ITSN1: variants seen among roughly 807,000 people sequenced by gnomAD.
ITSN1 encodes the protein intersectin-1.
ITSN1 carries 58 observed loss-of-function variants against 239.8 expected under a neutral mutation model. The observed-to-expected ratio is 0.24, with a 90% confidence interval of 0.20 to 0.30. ITSN1 has a LOEUF of 0.30. Among genes scored for constraint, ITSN1 ranks in the 10% least tolerant of loss-of-function variants. The pLI, the probability that ITSN1 is intolerant of heterozygous loss-of-function variation, is 1.00. For synonymous variants in ITSN1, 780 were observed against 770.8 expected (o/e 1.01, Z -0.20); for missense variants, 1,558 against 2,103.3 (o/e 0.74, Z 5.07).
At chr21:33,836,355 A>C (rs1416255707) in intron 28 of ITSN1, 86 bp from the exon 29 acceptor site, 3 of 945,978 alleles carry the variant, frequency 3.2e-6, no homozygotes, top group Non-Finnish European at 4.6e-6. Context: ...CAGAAATAGT[A>C]GCTGGGAATG....
At chr21:33,811,321 C>A in intron 21 of ITSN1, 99 bp downstream of exon 21, 1 of 1,211,720 alleles carries the variant, frequency 8.3e-7, no homozygotes, top group Non-Finnish European at 1.1e-6. Context: ...GATTGTCCTT[C>A]TATGTGAGGG....
intron 1 of ITSN1, among the ~76,000 whole-genome samples, chr21:33,712,325 G>GT (rs1385959517): frequency 1.3e-5 from 2 of 152,120 alleles, no homozygotes; most frequent in African/African-American, 4.8e-5. Context: ...AATGCTGTTT[G>GT]TTTCAGTAGG....
At chr21:33,841,492 A>AC (rs1410958438) in intron 29 of ITSN1, among the ~76,000 whole-genome samples, 2 of 152,192 alleles carry the variant, frequency 1.3e-5, no homozygotes, top group African/African-American at 4.8e-5. Context: ...CAGAGAGGAG[A>AC]CCATGCTGTC....
intron 36 of ITSN1, among the ~76,000 whole-genome samples, chr21:33,883,894 GTTTTTTTTTTTT>G (rs34448559): frequency 3.6e-5 from 4 of 109,778 alleles, no homozygotes; most frequent in Non-Finnish European, 7.1e-5. Context: ...TTTTGCTTGA[GTTTTTTTTTTTT>G]TTTTTTTTTT....
Position 33,773,227 on chromosome 21 carries a change from C to T in ITSN1, c.1305+904C>T, listed in dbSNP as rs535676755. ...TTCACCATGTTGGTCAGGCTGATCT[C>T]GAGCTCCTGACCTCGGGTGATCCAC... On this transcript the variant is annotated intron_variant, in intron 12 of 39. Transcript: ENST00000381318. 5.3e-3 allele frequency among the ~76,000 whole-genome samples: 806 copies of T among 152,080 alleles called. 3 individuals carry two copies. Among genetic ancestry groups the T allele is most frequent in the Admixed American group, 9.4e-3 (144 of 15,272 alleles).
At chr21:33,845,399 C>T (rs2074960371) in intron 29 of ITSN1, among the ~76,000 whole-genome samples, 1 of 152,060 alleles carries the variant, frequency 6.6e-6, no homozygotes, top group Non-Finnish European at 1.5e-5. Context: ...CTCTCTGCAC[C>T]CACTCTCTCC....
At chr21:33,732,618 A>C (rs571839075) in intron 4 of ITSN1, among the ~76,000 whole-genome samples, 5 of 152,336 alleles carry the variant, frequency 3.3e-5, no homozygotes, top group Non-Finnish European at 7.3e-5. Context: ...ATTGGCCTAA[A>C]TATTGGAAAA....
At chr21:33,677,642 A>G (rs2090676442) in intron 1 of ITSN1, among the ~76,000 whole-genome samples, 1 of 152,102 alleles carries the variant, frequency 6.6e-6, no homozygotes, top group Non-Finnish European at 1.5e-5. Flanking sequence ...ACCCAGCCCA[A>G]AACGGAATTC....
At chr21:33,681,520 G>A (rs1207173429) in intron 1 of ITSN1, among the ~76,000 whole-genome samples, 2 of 152,042 alleles carry the variant, frequency 1.3e-5, no homozygotes, top group Non-Finnish European at 2.9e-5. Flanking sequence ...TTGCACTCCA[G>A]CCTGGGCGAC....
chr21:33,823,366 G>A lies in ITSN1; in HGVS notation c.3017-121G>A. On this transcript the variant is annotated intron_variant, in intron 24 of 39. Coordinates refer to ENST00000381318, the MANE Select transcript of ITSN1 (RefSeq NM_003024.3). Reference sequence around the variant, plus strand: ...CAGCTCTGTATTTTATCTGTGACTAGCCTTTCTCTTGAATGGATCTTGTCC... The same window carrying A: ...CAGCTCTGTATTTTATCTGTGACTAACCTTTCTCTTGAATGGATCTTGTCC... The A allele has an allele frequency of 8.3e-6, 7 of 843,568 alleles. No homozygotes were observed. In the South Asian group the frequency reaches 1.2e-4, roughly 14 times the overall value. The allele number at this position is 843,568 out of a possible 1,614,324, so 52.3% of individuals were successfully genotyped here.
At chr21:33,759,995 C>G (rs1037639929) in intron 8 of ITSN1, among the ~76,000 whole-genome samples, 1 of 151,698 alleles carries the variant, frequency 6.6e-6, no homozygotes, top group African/African-American at 2.4e-5. Flanking sequence ...CCCAGCTATT[C>G]AGGAGGCTGA....
chr21:33,691,065 T>C (rs1236895581), intron 1 of ITSN1, among the ~76,000 whole-genome samples: 1 of 151,658 alleles, frequency 6.6e-6, no homozygotes, highest in East Asian at 1.9e-4. Flanking sequence ...AGTTAATCAG[T>C]TTCTCTTCTC....
Position 33,751,821 on chromosome 21 carries a change from C to A in ITSN1, c.538C>A (p.Pro180Thr). ...PAFAHPAATL[P>T]KSSSFSRSGP... is the part of the protein sequence containing the mutation. ...ATTTATTTTTACAGCAGCCACATTGCCAAAGAGTTCTTCCTTTAGTAGATC... is the reference window on the plus strand; with the variant it reads ...ATTTATTTTTACAGCAGCCACATTGACAAAGAGTTCTTCCTTTAGTAGATC... Residue 180 changes from proline to threonine, a missense_variant, in exon 7 of 40, where the codon CCA (proline) becomes ACA (threonine). This residue lies in a region of ITSN1 where 982 missense variants were observed against 1,209.9 expected (regional missense o/e 0.81). Transcript: ENST00000381318. 1 of 1,608,476 alleles carries A rather than the reference C, an allele frequency of 6.2e-7. No individual in the cohort carries two copies. Among genetic ancestry groups the A allele is most frequent in the Non-Finnish European group, 8.5e-7 (1 of 1,175,304 alleles).
At chr21:33,727,934 C>A (rs1049978881) in intron 4 of ITSN1, among the ~76,000 whole-genome samples, 4 of 151,966 alleles carry the variant, frequency 2.6e-5, no homozygotes, top group African/African-American at 9.7e-5. Context: ...CACACTTGCC[C>A]CTTTAGAGTC....
Position 33,761,938 on chromosome 21 carries a change from C to A in ITSN1, c.740C>A (p.Thr247Asn), listed in dbSNP as rs769426337. The A allele has an allele frequency of 3.1e-6, 5 of 1,613,560 alleles. No individual in the cohort carries two copies. Among genetic ancestry groups the A allele is most frequent in the Admixed American group, 3.3e-5 (2 of 60,016 alleles). ...SGHLTGPQARTILMQSSLPQA... is the reference protein window; with the variant it reads ...SGHLTGPQARNILMQSSLPQA... ...TCCTGTTTAGGTCCCCAAGCAAGAA[C>A]TATTCTTATGCAGTCAAGTTTACCA... The change falls in exon 9 of 40, where the codon ACT becomes AAT. Residue 247 changes from threonine to asparagine, a missense_variant. This residue lies in a region of ITSN1 where 982 missense variants were observed against 1,209.9 expected (regional missense o/e 0.81). Coordinates refer to ENST00000381318, the MANE Select transcript of ITSN1 (RefSeq NM_003024.3).
At chr21:33,702,113 T>TAAACA (rs772482560) in intron 1 of ITSN1, among the ~76,000 whole-genome samples, 7 of 142,674 alleles carry the variant, frequency 4.9e-5, no homozygotes, top group African/African-American at 1.1e-4. Flanking sequence ...TTTTTTTTTT[T>TAAACA]TTTTTTTTTT....
chr21:33,749,479 C>T (rs2067405792), intron 5 of ITSN1, among the ~76,000 whole-genome samples: 1 of 151,840 alleles, frequency 6.6e-6, no homozygotes. Flanking sequence ...CTCATCTCTA[C>T]TAAAAATGTA....
intron 22 of ITSN1, chr21:33,817,792 C>T (rs1450545175): frequency 1.4e-5 from 7 of 500,542 alleles, no homozygotes; most frequent in Non-Finnish European, 2.2e-5. Flanking sequence ...AAGCATAATC[C>T]AGATAGGGCC....
At chr21:33,770,451 C>T (rs115196816) in intron 11 of ITSN1, among the ~76,000 whole-genome samples, 1,582 of 152,172 alleles carry the variant, frequency 0.01, 20 homozygotes, top group Middle Eastern at 0.027. Flanking sequence ...TTTGGTGAGG[C>T]GACACAAACA....
Sources: gnomAD v4.1 joint callset for allele counts (sites outside exome capture counted in the v4.1 genomes callset) on GRCh38, gnomAD v4.1.1 for gene constraint, gnomAD v4.1.1 regional missense constraint, MANE v1.5 for transcripts, NCBI Gene and HGNC (gene_info 2026-07-23, HGNC 2026-07-21) for gene names.